CCNJL: variants seen among roughly 807,000 people sequenced by gnomAD.
CCNJL encodes the protein cyclin-J-like protein.
A neutral mutation model predicts 33.4 loss-of-function variants in CCNJL; 33 were observed. That is an observed-to-expected ratio of 0.99 (90% CI 0.75 to 1.32). CCNJL has a LOEUF of 1.32. CCNJL is among the 40% of genes most tolerant of loss of function. The pLI is 0.00. For missense variants in CCNJL, 512 were observed against 499.7 expected, an observed-to-expected ratio of 1.02 and a Z score of -0.23; for synonymous variants, 227 against 220.9, an observed-to-expected ratio of 1.03 and a Z score of -0.24.
At chr5:160,328,824 G>A (rs1429804622) in intron 1 of CCNJL, among the ~76,000 whole-genome samples, 1 of 151,492 alleles carries the variant, frequency 6.6e-6, no homozygotes, top group South Asian at 2.1e-4. Flanking sequence ...AGGTTGCAGT[G>A]AGCCAAGAGC....
chr5:160,326,559 G>A (rs368041894), intron 1 of CCNJL: 18 of 299,592 alleles, frequency 6.0e-5, no homozygotes, highest in African/African-American at 2.8e-4. Context: ...TATTCAAAAC[G>A]ATTACACTGC....
chr5:160,315,344 C>A (rs1227520847), upstream of CCNJL: 44 of 266,024 alleles, frequency 1.7e-4, no homozygotes, highest in Non-Finnish European at 3.2e-5. Context: ...CACACACACA[C>A]ACACACACAC....
chr5:160,307,206 A>G (rs1763121543), intron 2 of CCNJL, among the ~76,000 whole-genome samples: 1 of 152,220 alleles, frequency 6.6e-6, no homozygotes, highest in Non-Finnish European at 1.5e-5. Flanking sequence ...GGTGGGGGAC[A>G]CCCTGAGGTC....
intron 3 of CCNJL, among the ~76,000 whole-genome samples, chr5:160,270,024 A>G (rs574787502): frequency 2.6e-4 from 39 of 152,326 alleles, no homozygotes; most frequent in African/African-American, 8.9e-4. Flanking sequence ...ACTGTGTGAC[A>G]TATAGGCTGG....
At chr5:160,282,190 G>A (rs1407839962) in intron 2 of CCNJL, among the ~76,000 whole-genome samples, 1 of 152,160 alleles carries the variant, frequency 6.6e-6, no homozygotes, top group Non-Finnish European at 1.5e-5. Context: ...GGACTAGAAA[G>A]GGATATCTGC....
At chr5:160,325,341 C>G (rs140085853) in intron 1 of CCNJL, among the ~76,000 whole-genome samples, 10 of 152,298 alleles carry the variant, frequency 6.6e-5, no homozygotes, top group African/African-American at 2.4e-4. Context: ...CTCCAGCCCC[C>G]TCAGCAGTCA....
rs143665229 is a variant in CCNJL, at chr5:160,280,258, A to G, written c.280+267T>C. ...CTTCGTCACCTCTCTGTGCCTCTGT[A>G]AAGTGGGGTATACTAAGAGTATCTG... On this transcript the variant is annotated intron_variant, in intron 3 of 5. Coordinates refer to ENST00000257536, the MANE Select transcript of CCNJL (RefSeq NM_001308173.3). 3.7e-4 allele frequency among the ~76,000 whole-genome samples: 57 copies of G among 152,272 alleles called. 1 individual carries two copies. Among genetic ancestry groups the G allele is most frequent in the African/African-American group, 1.3e-3 (54 of 41,562 alleles).
In CCNJL at chr5:160,255,660, A is replaced by G. The variant is rs1323360711; in HGVS notation, c.632T>C (p.Val211Ala). Reference sequence around the variant, plus strand: ...CTGCAGGCAAATCCTGGAGGCCCCAACACAGGCCGCAGCGACCACAGAAGG... The same window carrying G: ...CTGCAGGCAAATCCTGGAGGCCCCAGCACAGGCCGCAGCGACCACAGAAGG... ...FQPSVVAAAC[V>A]GASRICLQLS... is the part of the protein sequence containing the mutation. The change falls in exon 5 of 6, where the codon GTT (valine) becomes GCT (alanine). Residue 211 changes from valine (V) to alanine (A), a missense_variant. Transcript: ENST00000257536. The G allele has an allele frequency of 1.2e-6, 2 of 1,613,982 alleles. No individual in the cohort carries two copies. Among genetic ancestry groups the G allele is most frequent in the Non-Finnish European group, 1.7e-6 (2 of 1,180,036 alleles).
At position 160,310,013 on chromosome 5, in the gene CCNJL, T is replaced by C. The variant is rs1763212907; in HGVS notation, c.66+1845A>G. ...GGAACATTTAGGACATCCTCCCTTATGTATAAAAGGTTGGGCATTCTCAGG... is the reference window on the plus strand; with the variant it reads ...GGAACATTTAGGACATCCTCCCTTACGTATAAAAGGTTGGGCATTCTCAGG... On this transcript the variant is annotated intron_variant, in intron 2 of 5. Transcript: ENST00000257536. Among the ~76,000 whole-genome samples the C allele has an allele frequency of 3.3e-5, 5 of 152,320 alleles. No individual in the cohort carries two copies. In the South Asian group the frequency reaches 6.2e-4, roughly 19 times the overall value.
intron 2 of CCNJL, among the ~76,000 whole-genome samples, chr5:160,305,534 G>A (rs1763067884): frequency 6.6e-6 from 1 of 152,190 alleles, no homozygotes; most frequent in Admixed American, 6.5e-5. Context: ...CATAGCGGCT[G>A]GCTTCTCAGG....
At chr5:160,265,169 C>G (rs1450740055) in intron 3 of CCNJL, among the ~76,000 whole-genome samples, 1 of 152,172 alleles carries the variant, frequency 6.6e-6, no homozygotes, top group African/African-American at 2.4e-5. Context: ...GCACTGTGCC[C>G]CACGAATGCC....
intron 2 of CCNJL, among the ~76,000 whole-genome samples, chr5:160,287,855 G>C (rs986946721): frequency 1.1e-4 from 16 of 152,298 alleles, no homozygotes; most frequent in African/African-American, 3.8e-4. Context: ...CAGGCGGTGA[G>C]AGTGTGGGCA....
At chr5:160,265,386 C>T (rs1761533274) in intron 3 of CCNJL, among the ~76,000 whole-genome samples, 1 of 152,108 alleles carries the variant, frequency 6.6e-6, no homozygotes, top group Non-Finnish European at 1.5e-5. Flanking sequence ...GCCTGTAATC[C>T]CAGCACTTTG....
chr5:160,260,333 G>C (rs896150927), intron 3 of CCNJL, among the ~76,000 whole-genome samples: 2 of 152,152 alleles, frequency 1.3e-5, no homozygotes, highest in African/African-American at 4.8e-5. Context: ...GTTCCCTCTG[G>C]TTTCCAGGTC....
rs1561786918 is a variant in CCNJL at position 160,277,743 on chromosome 5, TG to T, written c.280+2781del. Reference sequence around the variant, plus strand: ...ATCCCATCTCTGCTTCCTGTCTATCTGTTTTTTTTTTTTTTTTTTGAGATGG... The same window carrying T: ...ATCCCATCTCTGCTTCCTGTCTATCTTTTTTTTTTTTTTTTTTTGAGATGG... On this transcript the variant is annotated intron_variant, in intron 3 of 5. Transcript: ENST00000257536. 1.6e-3 allele frequency among the ~76,000 whole-genome samples: 217 copies of T among 133,928 alleles called. 1 individual carries two copies. Among genetic ancestry groups the T allele is most frequent in the African/African-American group, 4.8e-3 (168 of 34,864 alleles). 87.9% of individuals were successfully genotyped at this position (133,928 alleles called of 152,430 possible).
upstream of CCNJL, among the ~76,000 whole-genome samples, chr5:160,317,178 C>T (rs1729848803): frequency 6.6e-6 from 1 of 152,198 alleles, no homozygotes; most frequent in South Asian, 2.1e-4. Flanking sequence ...GTCAAGAGAA[C>T]ATTTGCCAAA....
chr5:160,258,776 A>C (rs1220995885), intron 4 of CCNJL, among the ~76,000 whole-genome samples: 1 of 152,200 alleles, frequency 6.6e-6, no homozygotes, highest in African/African-American at 2.4e-5. Context: ...CGCTCACTGC[A>C]ATCTCCGCCA....
Position 160,253,200 on chromosome 5 carries a change from G to A in CCNJL, c.*178C>T, listed in dbSNP as rs1760883558. The A allele has an allele frequency of 1.9e-6, 1 of 529,094 alleles. No individual in the cohort carries two copies. Among genetic ancestry groups the A allele is most frequent in the East Asian group, 3.1e-5 (1 of 31,748 alleles). The allele number at this position is 529,094 out of a possible 1,614,324, so 32.8% of individuals were successfully genotyped here. On this transcript the variant is annotated 3_prime_UTR_variant, in exon 6 of 6. Transcript: ENST00000257536. ...TTCTCAGAGGAATGCTCTCGGGTGA[G>A]GTATGTTATTGAATGTTTTGCTCTG...
chr5:160,268,211 G>A (rs1761688107), intron 3 of CCNJL, among the ~76,000 whole-genome samples: 1 of 152,232 alleles, frequency 6.6e-6, no homozygotes, highest in African/African-American at 2.4e-5. Context: ...TTGATGGAGA[G>A]GGTGTGAAAC....
Sources: gnomAD v4.1 joint callset for allele counts (sites outside exome capture counted in the v4.1 genomes callset) on GRCh38, gnomAD v4.1.1 for gene constraint, MANE v1.5 for transcripts, NCBI Gene and HGNC (gene_info 2026-07-23, HGNC 2026-07-21) for gene names.